The following RBBP8 variants were observed in gnomAD, a reference collection of about 807,000 sequenced individuals.
The protein encoded by RBBP8 is RB binding protein 8, endonuclease.
In RBBP8, 88 loss-of-function variants were observed where a neutral mutation model predicts 108.3. That is an observed-to-expected ratio of 0.81 (90% CI 0.68 to 0.97). The LOEUF is 0.97. Among genes scored for constraint, RBBP8 ranks in the 50% least tolerant of loss-of-function variants. The pLI, the probability that RBBP8 is intolerant of heterozygous loss-of-function variation, is 0.00. For synonymous variants in RBBP8, 332 were observed against 348.2 expected, an observed-to-expected ratio of 0.95 and a Z score of 0.52; for missense variants, 1,023 against 1,049.0, an observed-to-expected ratio of 0.98 and a Z score of 0.34.
chr18:22,940,241 A>G (rs1051820276), intron 2 of RBBP8, among the ~76,000 whole-genome samples: 2 of 151,776 alleles, frequency 1.3e-5, no homozygotes, highest in African/African-American at 4.9e-5. Flanking sequence ...AGATTGCTTT[A>G]TATAGTATTG....
At chr18:22,948,599 G>C (rs1454087381) in intron 3 of RBBP8, among the ~76,000 whole-genome samples, 1 of 152,004 alleles carries the variant, frequency 6.6e-6, no homozygotes, top group Non-Finnish European at 1.5e-5. Flanking sequence ...TTTGATACCT[G>C]ACATTTTGGC....
intron 16 of RBBP8, among the ~76,000 whole-genome samples, chr18:23,012,037 C>CA (rs2046172875): frequency 6.6e-6 from 1 of 151,652 alleles, no homozygotes; most frequent in East Asian, 2.0e-4. Flanking sequence ...TCCATCTCTA[C>CA]AAAAAATACA....
intron 3 of RBBP8, among the ~76,000 whole-genome samples, chr18:22,926,379 T>C (rs987415811): frequency 3.3e-5 from 5 of 152,120 alleles, no homozygotes; most frequent in Non-Finnish European, 7.4e-5. Flanking sequence ...GCCAAGATCG[T>C]GCCACTGCAC....
chr18:22,951,238 G>A (rs1191731769), intron 4 of RBBP8, among the ~76,000 whole-genome samples: 1 of 152,190 alleles, frequency 6.6e-6, no homozygotes, highest in African/African-American at 2.4e-5. Context: ...TTCCTAGTAT[G>A]TCATGGATTA....
chr18:22,926,172 C>T (rs890310636), intron 3 of RBBP8, among the ~76,000 whole-genome samples: 2 of 152,186 alleles, frequency 1.3e-5, no homozygotes, highest in Non-Finnish European at 2.9e-5. Context: ...CCTGTAACCC[C>T]AGCACTTTGG....
chr18:22,990,851 C>A, intron 9 of RBBP8, 86 bp from the exon 10 acceptor site: 2 of 990,278 alleles, frequency 2.0e-6, no homozygotes, highest in Non-Finnish European at 3.1e-6. Context: ...GGTTCATCTA[C>A]ATCATAACAT....
At chr18:22,922,669 T>G (rs1192700069) in intron 3 of RBBP8, among the ~76,000 whole-genome samples, 1 of 152,172 alleles carries the variant, frequency 6.6e-6, no homozygotes, top group African/African-American at 2.4e-5. Flanking sequence ...TTCCTCATGT[T>G]GTCCAGTCTG....
At chr18:22,937,226 G>A (rs143416438) in intron 2 of RBBP8, 212 of 448,162 alleles carry the variant, frequency 4.7e-4, no homozygotes, top group African/African-American at 3.9e-3. Flanking sequence ...CCACCCTCAT[G>A]TAGGTCCCAG....
chr18:22,942,613 T>C (rs907535071), intron 2 of RBBP8, among the ~76,000 whole-genome samples: 7 of 152,104 alleles, frequency 4.6e-5, no homozygotes, highest in African/African-American at 1.7e-4. Flanking sequence ...TTGTGACAAA[T>C]GCTGCTAGTA....
intron 17 of RBBP8, among the ~76,000 whole-genome samples, chr18:23,019,588 T>G (rs995789882): frequency 1.3e-5 from 2 of 152,140 alleles, no homozygotes; most frequent in Admixed American, 1.3e-4. Flanking sequence ...CAAACCTCAC[T>G]GCTGAGTCTC....
chr18:22,982,206 A>G lies in RBBP8; in HGVS notation c.429-12A>G, dbSNP rs748117894. The G allele has an allele frequency of 1.7e-5, 28 of 1,611,258 alleles. No homozygotes were observed. The highest frequency in any genetic ancestry group is 2.3e-5 in the Non-Finnish European group (27 of 1,177,682). ...TTGAATTGATTTTCTTTCCATTGTC[A>G]TTCTTCTCTAGGAATGATCAACAGC... On this transcript the variant is annotated splice_polypyrimidine_tract_variant and intron_variant, in intron 6 of 18. Coordinates refer to ENST00000327155, the MANE Select transcript of RBBP8 (RefSeq NM_002894.3).
rs776864199 is a variant in RBBP8, at chr18:22,993,359, C to T, written c.1532C>T (p.Thr511Ile). ...CAAGAGAAAAGCCAAGGAAGTGAGA[C>T]TTCTAAAAACAAATTTAGGCAAGTG... ...QRQEKSQGSE[T>I]SKNKFRQVTL... Residue 511 changes from threonine to isoleucine, a missense_variant, in exon 11 of 19, where the codon ACT (threonine) becomes ATT (isoleucine). Physicochemically the swap from Thr to Ile is moderately conservative, Grantham distance 89. Coordinates refer to ENST00000327155, the MANE Select transcript of RBBP8 (RefSeq NM_002894.3). 1 of 1,614,236 alleles carries T rather than the reference C, an allele frequency of 6.2e-7. No homozygotes were observed. Among genetic ancestry groups the T allele is most frequent in the Admixed American group, 1.7e-5 (1 of 60,034 alleles).
intron 10 of RBBP8, 109 bp downstream of exon 10, chr18:22,991,158 G>A: frequency 1.2e-6 from 1 of 839,698 alleles, no homozygotes; most frequent in Non-Finnish European, 1.9e-6. Context: ...GTTTGTTATT[G>A]TGGTTATATA....
chr18:22,936,732 A>T, intron 1 of RBBP8, 22 bp from the exon 2 acceptor site: 1 of 1,111,552 alleles, frequency 9.0e-7, no homozygotes, highest in Non-Finnish European at 1.4e-6. Flanking sequence ...AAGTTCATTT[A>T]TGTTGCAATC....
chr18:22,957,613 T>C (rs955762096), intron 4 of RBBP8, among the ~76,000 whole-genome samples: 1 of 152,184 alleles, frequency 6.6e-6, no homozygotes, highest in Non-Finnish European at 1.5e-5. Flanking sequence ...ACCTGTTACA[T>C]AGCTACTGAA....
intron 8 of RBBP8, 83 bp downstream of exon 8, chr18:22,985,073 A>C: frequency 6.4e-7 from 1 of 1,558,678 alleles, no homozygotes; most frequent in African/African-American, 1.4e-5. Context: ...TAACTTAGAC[A>C]ATATTTTAAA....
chr18:22,982,161 A>G, intron 6 of RBBP8, 57 bp from the exon 7 acceptor site: 3 of 1,539,610 alleles, frequency 1.9e-6, no homozygotes, highest in Non-Finnish European at 2.7e-6. Flanking sequence ...CATGCCATGT[A>G]GTAAATGTTT....
At chr18:22,999,539 A>C (rs2045912263) in intron 14 of RBBP8, among the ~76,000 whole-genome samples, 1 of 152,224 alleles carries the variant, frequency 6.6e-6, no homozygotes. Flanking sequence ...AGATCTGCAC[A>C]GGCATAAAGC....
chr18:23,001,810 T>C, intron 15 of RBBP8, 81 bp downstream of exon 15: 2 of 1,512,540 alleles, frequency 1.3e-6, no homozygotes, highest in Non-Finnish European at 1.8e-6. Flanking sequence ...TAACAAAGGC[T>C]TGATGACATA....
Sources: gnomAD v4.1 joint callset for allele counts (sites outside exome capture counted in the v4.1 genomes callset) on GRCh38, gnomAD v4.1.1 for gene constraint, MANE v1.5 for transcripts, NCBI Gene and HGNC (gene_info 2026-07-23, HGNC 2026-07-21) for gene names.